Variants in CELF4 observed in about 807,000 individuals in gnomAD.
The protein encoded by CELF4 is CUG-BP- and ETR-3-like factor 4.
CELF4 carries 18 observed loss-of-function variants against 59.9 expected under a neutral mutation model. That is an observed-to-expected ratio of 0.30 (90% CI 0.21 to 0.45). CELF4 has a LOEUF of 0.45. CELF4 is among the 20% of genes least tolerant of loss of function. CELF4 has a pLI of 1.00. For missense variants in CELF4, 456 were observed against 689.0 expected (o/e 0.66, Z 3.79); for synonymous variants, 261 against 267.1 (o/e 0.98, Z 0.22).
At chr18:37,472,696 G>T (rs896249326) in intron 2 of CELF4, among the ~76,000 whole-genome samples, 2 of 152,186 alleles carry the variant, frequency 1.3e-5, no homozygotes, top group African/African-American at 4.8e-5. Flanking sequence ...TGGAGGCTAG[G>T]TTGTTAAATT....
intron 2 of CELF4, among the ~76,000 whole-genome samples, chr18:37,443,567 G>C (rs758327295): frequency 2.6e-5 from 4 of 152,184 alleles, no homozygotes; most frequent in Non-Finnish European, 5.9e-5. Context: ...CATCATCAGT[G>C]TGGGTGGAGG....
At chr18:37,549,200 T>C (rs1442629001) in intron 1 of CELF4, among the ~76,000 whole-genome samples, 1 of 152,210 alleles carries the variant, frequency 6.6e-6, no homozygotes, top group Non-Finnish European at 1.5e-5. Context: ...TGACTGTAAG[T>C]AGCATTTGCT....
At chr18:37,320,201 C>T (rs539306258) in intron 3 of CELF4, among the ~76,000 whole-genome samples, 11 of 152,160 alleles carry the variant, frequency 7.2e-5, no homozygotes, top group South Asian at 2.1e-4. Flanking sequence ...CTGGGTGTGG[C>T]GGCATGCGCC....
At chr18:37,398,021 G>T (rs976253834) in intron 2 of CELF4, among the ~76,000 whole-genome samples, 4 of 152,142 alleles carry the variant, frequency 2.6e-5, no homozygotes, top group Non-Finnish European at 5.9e-5. Flanking sequence ...ACTCAGGCCC[G>T]GGTCAGTGGC....
chr18:37,326,199 A>G (rs2097304439), intron 2 of CELF4, among the ~76,000 whole-genome samples: 1 of 152,158 alleles, frequency 6.6e-6, no homozygotes, highest in Admixed American at 6.5e-5. Context: ...AATGCCGGAG[A>G]GGGCGAGGGC....
chr18:37,384,501 C>T (rs1004290222), intron 2 of CELF4, among the ~76,000 whole-genome samples: 16 of 151,552 alleles, frequency 1.1e-4, no homozygotes, highest in African/African-American at 2.4e-4. Context: ...CAGCCTGCAG[C>T]GGAGGAACTG....
At chr18:37,329,349 G>A (rs1012032632) in intron 2 of CELF4, among the ~76,000 whole-genome samples, 1 of 152,232 alleles carries the variant, frequency 6.6e-6, no homozygotes, top group African/African-American at 2.4e-5. Context: ...CATTGGCCAT[G>A]GACTGATGTG....
At position 37,433,243 on chromosome 18, in the gene CELF4, CT is replaced by C. The variant is rs557929945; in HGVS notation, c.369+52281del. On this transcript the variant is annotated intron_variant, in intron 2 of 12. Coordinates refer to ENST00000420428, the MANE Select transcript of CELF4 (RefSeq NM_020180.4). ...CTTATGGGATCATTTGGGCCCACCC[CT>C]TTTTTTGCACAGATAAAGTGACTAT... 2.6e-5 allele frequency among the ~76,000 whole-genome samples: 4 copies of C among 152,240 alleles called. No individual in the cohort carries two copies. The East Asian group carries it at 5.8e-4, about 22-fold the overall frequency.
Position 37,244,275 on chromosome 18 carries a change from G to T in CELF4, c.*967C>A, listed in dbSNP as rs1226296880. ...TATTATGATTTTAAGAGGGGGAAGA[G>T]TTAGAAGCATTTACAGACTTTTCAC... On this transcript the variant is annotated 3_prime_UTR_variant, in exon 13 of 13. Coordinates refer to ENST00000420428, the MANE Select transcript of CELF4 (RefSeq NM_020180.4). 1.3e-5 allele frequency: 2 copies of T among 151,850 alleles called. No individual in the cohort carries two copies. Among genetic ancestry groups the T allele is most frequent in the Non-Finnish European group, 2.9e-5 (2 of 67,978 alleles). The allele number at this position is 151,850 out of a possible 1,614,324, so 9.4% of individuals were successfully genotyped here.
chr18:37,503,781 G>A (rs1465937646), intron 1 of CELF4, among the ~76,000 whole-genome samples: 1 of 152,216 alleles, frequency 6.6e-6, no homozygotes, highest in Admixed American at 6.5e-5. Context: ...CTTCAAATGA[G>A]ATGGCAGCAG....
In CELF4 at chr18:37,565,454, C is replaced by T; in HGVS notation, c.188G>A (p.Arg63His). The T allele has an allele frequency of 6.2e-7, 1 of 1,613,996 alleles. No homozygotes were observed. Among genetic ancestry groups the T allele is most frequent in the Non-Finnish European group, 8.5e-7 (1 of 1,179,980 alleles). ...CTTGAGGTCCTTCTCATCCAGGTTG[C>T]GGGGGATCTGCCCAATGAACAGCTT... ...AIKLFIGQIP[R>H]NLDEKDLKPL... The change falls in exon 1 of 13, where the codon CGC (arginine) becomes CAC (histidine). Residue 63 changes from arginine to histidine, a missense_variant. This residue lies in a region of CELF4 where 4 missense variants were observed against 27.8 expected (regional missense o/e 0.14). Coordinates refer to ENST00000420428, the MANE Select transcript of CELF4 (RefSeq NM_020180.4).
intron 2 of CELF4, among the ~76,000 whole-genome samples, chr18:37,481,119 C>T (rs769367486): frequency 6.6e-5 from 10 of 151,884 alleles, no homozygotes; most frequent in African/African-American, 2.4e-4. Context: ...CAGGCTGACG[C>T]GAGGGGAGGG....
intron 1 of CELF4, among the ~76,000 whole-genome samples, chr18:37,525,000 C>G (rs905834975): frequency 5.9e-5 from 9 of 152,238 alleles, no homozygotes; most frequent in Admixed American, 4.6e-4. Context: ...TCTTCTCTCT[C>G]CGCCTGCCCT....
intron 3 of CELF4, among the ~76,000 whole-genome samples, chr18:37,309,215 G>A (rs2096556484): frequency 6.6e-6 from 1 of 152,220 alleles, no homozygotes. Flanking sequence ...CCCCAGCACA[G>A]ATCCGAGGGA....
rs561464294 is a variant in CELF4 at position 37,243,186 on chromosome 18, C to CTTTTTTTTTTTTTTTTTTTTTTT, written c.*2055_*2056insAAAAAAAAAAAAAAAAAAAAAAA. 8.0e-5 allele frequency: 8 copies of CTTTTTTTTTTTTTTTTTTTTTTT among 100,556 alleles called. No homozygotes were observed. Among genetic ancestry groups the CTTTTTTTTTTTTTTTTTTTTTTT allele is most frequent in the East Asian group, 2.9e-4 (1 of 3,394 alleles). The allele number at this position is 100,556 out of a possible 1,614,324, so 6.2% of individuals were successfully genotyped here. On this transcript the variant is annotated 3_prime_UTR_variant, in exon 13 of 13. Coordinates refer to ENST00000420428, the MANE Select transcript of CELF4 (RefSeq NM_020180.4). Reference sequence around the variant, plus strand: ...TGTTTTCTTTTTTTTTTCTTTTTTTCTTTTTTTTTTTTTTTTTTTTACATC... The same window carrying CTTTTTTTTTTTTTTTTTTTTTTT: ...TGTTTTCTTTTTTTTTTCTTTTTTTCTTTTTTTTTTTTTTTTTTTTTTTTTTTTTTTTTTTTTTTTTTTACATC...
At chr18:37,289,206 C>T (rs1786078) in intron 3 of CELF4, among the ~76,000 whole-genome samples, 79,269 of 151,244 alleles carry the variant, frequency 0.52, 21,924 homozygotes, top group African/African-American at 0.7. Context: ...GGGCAGTACA[C>T]GGTGGAGCAG....
intron 2 of CELF4, among the ~76,000 whole-genome samples, chr18:37,421,202 T>G (rs1003572096): frequency 3.9e-5 from 6 of 152,176 alleles, no homozygotes; most frequent in African/African-American, 1.4e-4. Flanking sequence ...ACTCTCTCAG[T>G]CTGTTGAGAT....
At chr18:37,442,126 G>A (rs767530708) in intron 2 of CELF4, among the ~76,000 whole-genome samples, 3 of 152,170 alleles carry the variant, frequency 2.0e-5, no homozygotes, top group Non-Finnish European at 2.9e-5. Context: ...GACAAAGGAT[G>A]AATTACCCAG....
At chr18:37,457,056 C>T (rs1461037971) in intron 2 of CELF4, among the ~76,000 whole-genome samples, 1 of 152,158 alleles carries the variant, frequency 6.6e-6, no homozygotes, top group Non-Finnish European at 1.5e-5. Flanking sequence ...TGAGACCTGC[C>T]CCCATCTGGA....
Sources: gnomAD v4.1 joint callset for allele counts (sites outside exome capture counted in the v4.1 genomes callset) on GRCh38, gnomAD v4.1.1 for gene constraint, gnomAD v4.1.1 regional missense constraint, MANE v1.5 for transcripts, NCBI Gene and HGNC (gene_info 2026-07-23, HGNC 2026-07-21) for gene names.